NEURL4: variants seen among roughly 807,000 people sequenced by gnomAD.
NEURL4 encodes the protein neuralized E3 ubiquitin protein ligase 4, also known as neuralized-like protein 4.
NEURL4 carries 45 observed loss-of-function variants against 148.0 expected under a neutral mutation model. That is an observed-to-expected ratio of 0.30 (90% CI 0.24 to 0.39). The LOEUF (loss-of-function observed/expected upper bound fraction) is 0.39. NEURL4 is among the 10% of genes least tolerant of loss of function. The pLI is 1.00. For missense variants in NEURL4, 1,776 were observed against 2,144.0 expected (o/e 0.83, Z 3.39); for synonymous variants, 854 against 869.0 (o/e 0.98, Z 0.30).
In NEURL4 at chr17:7,317,546, T is replaced by C; in HGVS notation, c.4233A>G (p.Thr1411=). The C allele has an allele frequency of 6.2e-7, 1 of 1,614,172 alleles. No homozygotes were observed. The highest frequency in any genetic ancestry group is 8.5e-7 in the Non-Finnish European group (1 of 1,180,002). The stretch of plus-strand genomic sequence containing the variant: ...ATGCCATGTGCCACTTCTTGGTTAG[T>C]GTCCCAGCCTCCAGGCGGGGATTCA... ...LRVNPRLEAG[T]LTKKWHMAYH... The change falls in exon 27 of 29, where the codon ACA becomes ACG. Residue 1411 remains threonine (T), a synonymous_variant. Transcript: ENST00000399464.
rs1567621653 is a variant in NEURL4, at chr17:7,324,034, A to T, written c.2063-22T>A. On this transcript the variant is annotated intron_variant, in intron 11 of 28. Transcript: ENST00000399464. This position sits in a 1 kb window ranked among gnomAD's most constrained non-coding sequence, Gnocchi z 5.9. ...ACCTCTGTAAAAGTGGACATCACCC[A>T]TCAGGTCTCTAGGTGTCTCTCAGAC... The T allele has an allele frequency of 5.0e-6, 8 of 1,608,902 alleles. No homozygotes were observed. Among genetic ancestry groups the T allele is most frequent in the East Asian group, 2.2e-5 (1 of 44,862 alleles).
At position 7,317,828 on chromosome 17, in the gene NEURL4, C is replaced by G; in HGVS notation, c.4165G>C (p.Glu1389Gln). The G allele has an allele frequency of 6.2e-7, 1 of 1,614,036 alleles. No individual in the cohort carries two copies. Reference sequence around the variant, plus strand: ...CACCAGCCAAAGGGCAGTGCATATTCCCGGGGAGGCTCCCCTCTGCGCCTG... The same window carrying G: ...CACCAGCCAAAGGGCAGTGCATATTGCCGGGGAGGCTCCCCTCTGCGCCTG... ...AHRRRGEPPR[E>Q]YALPFGWCRF... Residue 1389 changes from glutamate (E) to glutamine (Q), a missense_variant, in exon 26 of 29, where the codon GAA becomes CAA. By Grantham distance (29) the Glu-to-Gln change is conservative. Coordinates refer to ENST00000399464, the MANE Select transcript of NEURL4 (RefSeq NM_032442.3).
At position 7,317,507 on chromosome 17, in the gene NEURL4, A is replaced by G. The variant is rs774884135; in HGVS notation, c.4272T>C (p.Asn1424=). The change falls in exon 27 of 29, where the codon AAT becomes AAC. Residue 1424 remains asparagine (N), a synonymous_variant. Coordinates refer to ENST00000399464, the MANE Select transcript of NEURL4 (RefSeq NM_032442.3). ...KKWHMAYHGS[N]VAAVRRVLDR... is the part of the protein sequence containing the mutation. Reference sequence around the variant, plus strand: ...CCAGCACTCTCCGTACAGCGGCAACATTGCTCCCGTGATATGCCATGTGCC... The same window carrying G: ...CCAGCACTCTCCGTACAGCGGCAACGTTGCTCCCGTGATATGCCATGTGCC... 2 of 1,613,888 alleles carry G rather than the reference A, an allele frequency of 1.2e-6. No homozygotes were observed. The highest frequency in any genetic ancestry group is 1.3e-5 in the African/African-American group (1 of 74,862).
Position 7,315,974 on chromosome 17 carries a change from T to C in NEURL4, c.*149A>G. Reference sequence around the variant, plus strand: ...GGAGCTGTGCCACTTGCCACCTACATCTGAGAGCCTGCCTACATGCTCCTG... The same window carrying C: ...GGAGCTGTGCCACTTGCCACCTACACCTGAGAGCCTGCCTACATGCTCCTG... On this transcript the variant is annotated 3_prime_UTR_variant, in exon 29 of 29. Transcript: ENST00000399464. 1.6e-6 allele frequency: 1 copy of C among 627,516 alleles called. No homozygotes were observed. The highest frequency in any genetic ancestry group is 2.9e-6 in the Non-Finnish European group (1 of 345,270). 38.9% of individuals were successfully genotyped at this position (627,516 alleles called of 1,614,324 possible).
intron 28 of NEURL4, 130 bp downstream of exon 28, chr17:7,317,075 G>A (rs1343382594): frequency 1.7e-6 from 1 of 584,990 alleles, no homozygotes; most frequent in African/African-American, 1.9e-5. Flanking sequence ...AAAGGGCTGA[G>A]TTGGAGACTG....
chr17:7,326,727 T>C lies in NEURL4; in HGVS notation c.1076A>G (p.Asp359Gly). 6.2e-7 allele frequency: 1 copy of C among 1,611,162 alleles called. No individual in the cohort carries two copies. Among genetic ancestry groups the C allele is most frequent in the Non-Finnish European group, 8.5e-7 (1 of 1,179,240 alleles). Residue 359 changes from aspartate (D) to glycine (G), a missense_variant, in exon 4 of 29, where the codon GAC (aspartate) becomes GGC (glycine). Asp to Gly is a moderately conservative substitution (Grantham distance 94). Transcript: ENST00000399464. This position sits in a 1 kb window ranked among gnomAD's most constrained non-coding sequence, Gnocchi z 6.0. ...GVVMTNRPLRDNEMFEIRIDK... is the reference protein window; with the variant it reads ...GVVMTNRPLRGNEMFEIRIDK... ...TTTGCACACCTCAAACATCTCATTG[T>C]CCCGAAGGGGGCGATTGGTCATGAC...
intron 6 of NEURL4, 105 bp from the exon 7 acceptor site, chr17:7,325,818 C>T: frequency 1.1e-6 from 1 of 917,644 alleles, no homozygotes; most frequent in Non-Finnish European, 1.8e-6. Context: ...CTCAGACCAC[C>T]CTGGAGGACA....
chr17:7,326,643 C>T lies in NEURL4; in HGVS notation c.1092+68G>A. ...TTCCCCAGGGCCCACCCTCCTAGCA[C>T]CAAGGGTCAATCCCCATCTTTAGCT... On this transcript the variant is annotated intron_variant, in intron 4 of 28. Coordinates refer to ENST00000399464, the MANE Select transcript of NEURL4 (RefSeq NM_032442.3). The surrounding 1 kb of genome is among the most constrained non-coding windows in gnomAD (Gnocchi z 6.0). 6.2e-7 allele frequency: 1 copy of T among 1,606,032 alleles called. No homozygotes were observed. The highest frequency in any genetic ancestry group is 1.1e-5 in the South Asian group (1 of 90,648).
rs1216530672 is a variant in NEURL4 at position 7,327,166 on chromosome 17, A to G, written c.792T>C (p.Asn264=). 4 of 1,611,912 alleles carry G rather than the reference A, an allele frequency of 2.5e-6. No individual in the cohort carries two copies. In the South Asian group the frequency reaches 3.3e-5, roughly 13 times the overall value. The change falls in exon 3 of 29, where the codon AAT becomes AAC. Residue 264 remains asparagine (N), a splice_region_variant and synonymous_variant. Transcript: ENST00000399464. The surrounding 1 kb of genome is among the most constrained non-coding windows in gnomAD (Gnocchi z 6.6). ...CCAGGGCCTCCCCAAAGCCCTCACC[A>G]TTATGCGACTCAAGGCTGTTAGGAA... ...ETFPNSLESH[N]DFANMELSEV...
In NEURL4 at chr17:7,326,763, T is replaced by C; in HGVS notation, c.1040A>G (p.Asn347Ser). The C allele has an allele frequency of 6.2e-7, 1 of 1,613,312 alleles. No homozygotes were observed. The highest frequency in any genetic ancestry group is 1.1e-5 in the South Asian group (1 of 91,004). ...GCGATTGGTCATGACAACCCCATTG[T>C]TGAATTCATCCAGGGGCCGCCGGCG... ...AERRRPLDEF[N>S]NGVVMTNRPL... Residue 347 changes from asparagine (N) to serine (S), a missense_variant, in exon 4 of 29, where the codon AAC becomes AGC. Physicochemically the swap from Asn to Ser is conservative, Grantham distance 46. Coordinates refer to ENST00000399464, the MANE Select transcript of NEURL4 (RefSeq NM_032442.3). The surrounding 1 kb of genome is among the most constrained non-coding windows in gnomAD (Gnocchi z 6.0).
chr17:7,322,975 C>T lies in NEURL4; in HGVS notation c.2566G>A (p.Ala856Thr), dbSNP rs1364257292. 1 of 1,613,608 alleles carries T rather than the reference C, an allele frequency of 6.2e-7. No homozygotes were observed. Reference sequence around the variant, plus strand: ...TTACCCGGAGGCAGGCCCGAGCAGGCAGCGCCTTGGTCCTGGCCGTTGATG... The same window carrying T: ...TTACCCGGAGGCAGGCCCGAGCAGGTAGCGCCTTGGTCCTGGCCGTTGATG... The part of the protein sequence containing the change: ...YFINGQDQGA[A>T]CSGLPPGKEV... The change falls in exon 15 of 29, where the codon GCC becomes ACC. Residue 856 changes from alanine (A) to threonine (T), a missense_variant. Ala to Thr is a moderately conservative substitution (Grantham distance 58). Transcript: ENST00000399464. The surrounding 1 kb of genome is among the most constrained non-coding windows in gnomAD (Gnocchi z 5.5).
rs1329387435 is a variant in NEURL4, at chr17:7,327,459, C to T, written c.708G>A (p.Gln236=). 1 of 1,561,042 alleles carries T rather than the reference C, an allele frequency of 6.4e-7. No individual in the cohort carries two copies. Among genetic ancestry groups the T allele is most frequent in the East Asian group, 2.3e-5 (1 of 44,386 alleles). The stretch of plus-strand genomic sequence containing the variant: ...TCTCACCTTCATCTGCAGAGGTCCC[C>T]TGTTCAGCCAAGGCAGAGTCTTCAG... ...APTEDSALAE[Q]GTSADEAFMV... The change falls in exon 2 of 29, where the codon CAG becomes CAA. Residue 236 remains glutamine, a synonymous_variant. Coordinates refer to ENST00000399464, the MANE Select transcript of NEURL4 (RefSeq NM_032442.3). This position sits in a 1 kb window ranked among gnomAD's most constrained non-coding sequence, Gnocchi z 6.6.
In NEURL4 at chr17:7,324,742, T is replaced by C; in HGVS notation, c.1813+57A>G. On this transcript the variant is annotated intron_variant, in intron 9 of 28. Transcript: ENST00000399464. The surrounding 1 kb of genome is among the most constrained non-coding windows in gnomAD (Gnocchi z 5.9). ...GAGCTGCAGAACAAGTGCCAGGGCT[T>C]TGGGGATAGCTTCCCCCCAAAACCC... 1 of 1,575,046 alleles carries C rather than the reference T, an allele frequency of 6.3e-7. No individual in the cohort carries two copies. Among genetic ancestry groups the C allele is most frequent in the South Asian group, 1.1e-5 (1 of 89,588 alleles).
chr17:7,318,092 G>A lies in NEURL4; in HGVS notation c.4033C>T (p.Arg1345Cys), dbSNP rs756636059. 11 of 1,614,058 alleles carry A rather than the reference G, an allele frequency of 6.8e-6. No homozygotes were observed. The highest frequency in any genetic ancestry group is 5.0e-5 in the Admixed American group (3 of 60,002). The change falls in exon 25 of 29, where the codon CGC becomes TGC. Residue 1345 changes from arginine to cysteine, a missense_variant. By Grantham distance (180) the Arg-to-Cys change is radical. Coordinates refer to ENST00000399464, the MANE Select transcript of NEURL4 (RefSeq NM_032442.3). The surrounding 1 kb of genome is among the most constrained non-coding windows in gnomAD (Gnocchi z 4.3). ...KSCEYHALCS[R>C]FQELLLLPED... Reference sequence around the variant, plus strand: ...GGAAGCAGCAGGAGTTCTTGGAAGCGAGAGCAAAGGGCATGGTACTCGCAG... The same window carrying A: ...GGAAGCAGCAGGAGTTCTTGGAAGCAAGAGCAAAGGGCATGGTACTCGCAG...
At position 7,327,299 on chromosome 17, in the gene NEURL4, A is replaced by AC. The variant is rs747721493; in HGVS notation, c.728-70dup. The AC allele has an allele frequency of 4.0e-5, 59 of 1,487,054 alleles. No homozygotes were observed. The highest frequency in any genetic ancestry group is 5.1e-5 in the Non-Finnish European group (56 of 1,108,752). The allele number at this position is 1,487,054 out of a possible 1,614,324, so 92.1% of individuals were successfully genotyped here. A position where few individuals can be genotyped will look rare whatever the true frequency, so the allele number is the denominator to read the frequency against. Reference sequence around the variant, plus strand: ...TGCTTCACGGCCCATAGCCAGGAGAACCCCCCATCCTCTAGCTCCTGCTCT... The same window carrying AC: ...TGCTTCACGGCCCATAGCCAGGAGAACCCCCCCATCCTCTAGCTCCTGCTCT... On this transcript the variant is annotated intron_variant, in intron 2 of 28. Transcript: ENST00000399464. The surrounding 1 kb of genome is among the most constrained non-coding windows in gnomAD (Gnocchi z 6.6).
In NEURL4 at chr17:7,321,695, G is replaced by A. The variant is rs148837101; in HGVS notation, c.2964C>T (p.Gly988=). 23 of 1,613,626 alleles carry A rather than the reference G, an allele frequency of 1.4e-5. No homozygotes were observed. The East Asian group carries it at 2.9e-4, about 20-fold the overall frequency. ...LAPGEMGPGA[G]GGGPGLPPSL... ...AAGGAGGCAGCCCTGGGCCACCACCGCCTGCCCCGGGTCCCATCTCCCCCG... is the reference window on the plus strand; with the variant it reads ...AAGGAGGCAGCCCTGGGCCACCACCACCTGCCCCGGGTCCCATCTCCCCCG... Residue 988 remains glycine, a synonymous_variant, in exon 18 of 29, where the codon GGC becomes GGT. Transcript: ENST00000399464. The surrounding 1 kb of genome is among the most constrained non-coding windows in gnomAD (Gnocchi z 6.3).
rs372324558 is a variant in NEURL4, at chr17:7,325,295, C to G, written c.1545G>C (p.Gln515His). 8 of 1,610,266 alleles carry G rather than the reference C, an allele frequency of 5.0e-6. No homozygotes were observed. The highest frequency in any genetic ancestry group is 5.9e-6 in the Non-Finnish European group (7 of 1,178,648). The change falls in exon 8 of 29, where the codon CAG (glutamine) becomes CAC (histidine). Residue 515 changes from glutamine (Q) to histidine (H), a missense_variant. Coordinates refer to ENST00000399464, the MANE Select transcript of NEURL4 (RefSeq NM_032442.3). The part of the protein sequence containing the change: ...GALRRAAPAA[Q>H]AEPERLLFHP... Reference sequence around the variant, plus strand: ...GGAAGAGCAGGCGCTCAGGTTCTGCCTGGGCGGCAGGGGCAGCACGGCGGA... The same window carrying G: ...GGAAGAGCAGGCGCTCAGGTTCTGCGTGGGCGGCAGGGGCAGCACGGCGGA...
intron 28 of NEURL4, among the ~76,000 whole-genome samples, chr17:7,316,731 G>A (rs994240224): frequency 1.3e-5 from 2 of 152,184 alleles, no homozygotes; most frequent in Non-Finnish European, 2.9e-5. Flanking sequence ...AGACCATCCT[G>A]GCCAACATGG....
Position 7,323,633 on chromosome 17 carries a change from C to T in NEURL4, c.2338+14G>A. On this transcript the variant is annotated intron_variant, in intron 13 of 28. Transcript: ENST00000399464. The stretch of plus-strand genomic sequence containing the variant: ...GACATCCAACAGCCCCCAACACACA[C>T]AGACGGCCCTCACCAGCCTCAATGG... 2 of 1,613,660 alleles carry T rather than the reference C, an allele frequency of 1.2e-6. No homozygotes were observed. Among genetic ancestry groups the T allele is most frequent in the Non-Finnish European group, 1.7e-6 (2 of 1,179,724 alleles).
Sources: allele counts gnomAD v4.1 joint callset (sites outside exome capture counted in the v4.1 genomes callset), GRCh38; gene constraint gnomAD v4.1.1; non-coding constraint Gnocchi (gnomAD v3.1); transcripts MANE v1.5; gene names NCBI Gene and HGNC (gene_info 2026-07-23, HGNC 2026-07-21).